ARID1B: variants seen among roughly 807,000 people sequenced by gnomAD.
ARID1B encodes AT-rich interactive domain-containing protein 1B.
ARID1B carries 30 observed loss-of-function variants against 212.3 expected under a neutral mutation model. The ratio of observed to expected loss-of-function variants is 0.14; its 90% CI spans 0.11 to 0.19. ARID1B has a LOEUF of 0.19. Among genes scored for constraint, ARID1B ranks in the 10% least tolerant of loss-of-function variants. ARID1B has a pLI of 1.00. For missense variants in ARID1B, 2,891 were observed against 3,204.0 expected (o/e 0.90, Z 2.36); for synonymous variants, 1,402 against 1,301.7 (o/e 1.08, Z -1.66).
intron 7 of ARID1B, among the ~76,000 whole-genome samples, chr6:157,146,148 G>A (rs768667890): frequency 7.2e-5 from 11 of 152,046 alleles, no homozygotes; most frequent in African/African-American, 1.7e-4. Context: ...CCATTAAGCC[G>A]GTGTCCCCAG....
At chr6:157,189,490 C>A in intron 13 of ARID1B, 152 bp from the exon 14 acceptor site, 1 of 958,962 alleles carries the variant, frequency 1.0e-6, no homozygotes, top group Non-Finnish European at 1.5e-6. Flanking sequence ...AATTTTACAA[C>A]ATCATTATCA....
At chr6:157,120,687 C>T (rs1350594586) in intron 6 of ARID1B, among the ~76,000 whole-genome samples, 2 of 152,114 alleles carry the variant, frequency 1.3e-5, no homozygotes, top group Non-Finnish European at 2.9e-5. Context: ...GGTATGTAAC[C>T]GTGGCACACA....
At position 156,829,207 on chromosome 6, in the gene ARID1B, CTTCTT is replaced by C; in HGVS notation, c.1792-17_1792-13del. The C allele has an allele frequency of 6.3e-7, 1 of 1,575,906 alleles. No individual in the cohort carries two copies. The highest frequency in any genetic ancestry group is 1.4e-5 in the African/African-American group (1 of 73,900). On this transcript the variant is annotated splice_polypyrimidine_tract_variant and intron_variant, in intron 1 of 19. Transcript: ENST00000636930. ...AATAAAGAATGAATTAATAAACCGA[CTTCTT>C]TTATGTCTTCACAGGGCAGCCCAAT...
chr6:156,790,090 G>A (rs1779912893), intron 1 of ARID1B, among the ~76,000 whole-genome samples: 1 of 152,144 alleles, frequency 6.6e-6, no homozygotes, highest in African/African-American at 2.4e-5. Flanking sequence ...TTCCTGATAT[G>A]TTTTTACCTT....
chr6:157,024,035 C>T (rs1780492439), intron 4 of ARID1B: 1 of 152,248 alleles, frequency 6.6e-6, no homozygotes. Flanking sequence ...CCATGGCATT[C>T]AGCCTACATT....
intron 3 of ARID1B, among the ~76,000 whole-genome samples, chr6:156,933,281 C>T (rs573133579): frequency 3.9e-5 from 6 of 151,930 alleles, no homozygotes; most frequent in South Asian, 2.1e-4. Flanking sequence ...ACTGTGTGCA[C>T]GTGTGTTGGA....
chr6:157,038,945 C>T (rs563271222), intron 4 of ARID1B, among the ~76,000 whole-genome samples: 30 of 152,152 alleles, frequency 2.0e-4, no homozygotes, highest in Non-Finnish European at 3.4e-4. Context: ...ACTCTGTTGC[C>T]CAGGCTGGAG....
intron 2 of ARID1B, among the ~76,000 whole-genome samples, chr6:156,871,401 C>G (rs1211460291): frequency 7.9e-5 from 12 of 152,146 alleles, no homozygotes; most frequent in African/African-American, 2.9e-4. Flanking sequence ...AAAAACGGTG[C>G]TAGACAGAGT....
chr6:157,086,365 A>G (rs1012536989), intron 5 of ARID1B, among the ~76,000 whole-genome samples: 36 of 152,190 alleles, frequency 2.4e-4, no homozygotes, highest in African/African-American at 8.4e-4. Context: ...TGCTGCTTTT[A>G]ACTTTTTAAT....
At chr6:156,803,331 A>G (rs2115370409) in intron 1 of ARID1B, among the ~76,000 whole-genome samples, 1 of 152,330 alleles carries the variant, frequency 6.6e-6, no homozygotes, top group African/African-American at 2.4e-5. Context: ...GTGATTTTTC[A>G]GTATAGAAGA....
intron 2 of ARID1B, among the ~76,000 whole-genome samples, chr6:156,873,026 G>A (rs944861139): frequency 6.8e-6 from 1 of 148,082 alleles, no homozygotes; most frequent in Non-Finnish European, 1.5e-5. Context: ...CAGAACTGTC[G>A]GACAGCGAGG....
At chr6:156,846,584 G>A (rs1030329501) in intron 2 of ARID1B, among the ~76,000 whole-genome samples, 16 of 152,016 alleles carry the variant, frequency 1.1e-4, no homozygotes, top group Non-Finnish European at 2.1e-4. Flanking sequence ...GAGAGGATTG[G>A]GCCATCTTGT....
At chr6:156,884,915 T>TG (rs1410242781) in intron 2 of ARID1B, among the ~76,000 whole-genome samples, 1 of 152,202 alleles carries the variant, frequency 6.6e-6, no homozygotes, top group Non-Finnish European at 1.5e-5. Flanking sequence ...ACTACAGTGT[T>TG]GCTGCTGGGA....
At chr6:157,100,878 A>G (rs1005147942) in intron 5 of ARID1B, among the ~76,000 whole-genome samples, 1 of 152,260 alleles carries the variant, frequency 6.6e-6, no homozygotes, top group African/African-American at 2.4e-5. Context: ...TTCATGTTGC[A>G]GAAATTAAAG....
intron 3 of ARID1B, among the ~76,000 whole-genome samples, chr6:156,927,140 A>G: frequency 6.6e-6 from 1 of 152,352 alleles, no homozygotes. Flanking sequence ...AATGGAATAT[A>G]TATTATTGTT....
In ARID1B at chr6:156,778,921, C is replaced by T. The variant is rs1462890053; in HGVS notation, c.1241C>T (p.Ala414Val). ...GGGGGGGGAGAGGAGAGAVAA... is the reference protein window; with the variant it reads ...GGGGGGGGAGVGGAGAGAVAA... Reference sequence around the variant, plus strand: ...GGAGGAGGAGGAGGAGGAGCAGGAGCAGGAGGAGCAGGAGCGGGAGCTGTG... The same window carrying T: ...GGAGGAGGAGGAGGAGGAGCAGGAGTAGGAGGAGCAGGAGCGGGAGCTGTG... Residue 414 changes from alanine to valine, a missense_variant, in exon 1 of 20, where the codon GCA becomes GTA. Around this residue, in one of 7 missense-constraint regions of ARID1B, gnomAD observed 1,643 missense variants for 1,544.0 expected, o/e 1.06. Coordinates refer to ENST00000636930, the MANE Select transcript of ARID1B (RefSeq NM_001374828.1). 6 of 1,306,768 alleles carry T rather than the reference C, an allele frequency of 4.6e-6. No homozygotes were observed. Among genetic ancestry groups the T allele is most frequent in the Non-Finnish European group, 5.8e-6 (6 of 1,035,552 alleles). 80.9% of individuals were successfully genotyped at this position (1,306,768 alleles called of 1,614,324 possible). A position where few individuals can be genotyped will look rare whatever the true frequency, so the allele number is the denominator to read the frequency against.
chr6:156,945,008 T>C (rs73576046), intron 4 of ARID1B, among the ~76,000 whole-genome samples: 36,737 of 148,800 alleles, frequency 0.25, 4,948 homozygotes, highest in African/African-American at 0.31. Flanking sequence ...CTGCAACCTC[T>C]GCCTCCCAGG....
At chr6:157,000,491 C>T (rs1465535791) in intron 4 of ARID1B, among the ~76,000 whole-genome samples, 2 of 152,186 alleles carry the variant, frequency 1.3e-5, no homozygotes, top group East Asian at 3.9e-4. Context: ...AATACTGTGT[C>T]ATATTTTGTA....
intron 2 of ARID1B, among the ~76,000 whole-genome samples, chr6:156,892,146 C>T (rs1787994559): frequency 6.6e-6 from 1 of 151,580 alleles, no homozygotes; most frequent in African/African-American, 2.4e-5. Flanking sequence ...GATCCAGCCA[C>T]CTCGGCCTCC....
Sources: gnomAD v4.1 joint callset for allele counts (sites outside exome capture counted in the v4.1 genomes callset) on GRCh38, gnomAD v4.1.1 for gene constraint, gnomAD v4.1.1 regional missense constraint, MANE v1.5 for transcripts, NCBI Gene and HGNC (gene_info 2026-07-23, HGNC 2026-07-21) for gene names.